The following TRAF2 variants were observed in gnomAD, a reference collection of about 807,000 sequenced individuals.
The protein encoded by TRAF2 is TNF receptor-associated factor 2.
In TRAF2, 6 loss-of-function variants were observed where a neutral mutation model predicts 55.6. That is an observed-to-expected ratio of 0.11 (90% CI 0.06 to 0.21). TRAF2 has a LOEUF of 0.21. TRAF2 is among the 10% of genes least tolerant of loss of function. The probability of loss-of-function intolerance (pLI) is 1.00; values close to 1 mark genes in which losing one functional copy is unlikely to be tolerated. For synonymous variants in TRAF2, 329 were observed against 276.3 expected (o/e 1.19, Z -1.89); for missense variants, 561 against 684.5 (o/e 0.82, Z 2.01).
At chr9:136,920,944 A>G (rs1350348524) in intron 8 of TRAF2, 94 bp from the exon 9 acceptor site, 2 of 1,480,176 alleles carry the variant, frequency 1.4e-6, no homozygotes, top group Admixed American at 3.8e-5. Flanking sequence ...GGTGCCCAAG[A>G]GCACTGTCCT....
upstream of TRAF2, among the ~76,000 whole-genome samples, chr9:136,882,296 C>T (rs917991045): frequency 6.6e-6 from 1 of 152,240 alleles, no homozygotes; most frequent in Non-Finnish European, 1.5e-5. Flanking sequence ...CAGAGCCCTG[C>T]TGGGCACAGG....
At chr9:136,915,742 CTG>C in intron 6 of TRAF2, among the ~76,000 whole-genome samples, 1 of 152,290 alleles carries the variant, frequency 6.6e-6, no homozygotes, top group Non-Finnish European at 1.5e-5. Context: ...CCGAGCCCAT[CTG>C]TGCTTCTCTT....
At chr9:136,886,994 C>T (rs1344662054) in intron 1 of TRAF2, among the ~76,000 whole-genome samples, 1 of 152,160 alleles carries the variant, frequency 6.6e-6, no homozygotes, top group Non-Finnish European at 1.5e-5. Flanking sequence ...TCGGGAGGGT[C>T]AGGGGCGCCT....
chr9:136,904,209 AC>A, intron 4 of TRAF2, among the ~76,000 whole-genome samples: 1 of 150,612 alleles, frequency 6.6e-6, no homozygotes. Context: ...GCATTTTATT[AC>A]TATTATTTTT....
At chr9:136,902,367 T>G (rs900800729) in intron 4 of TRAF2, 2 of 152,320 alleles carry the variant, frequency 1.3e-5, no homozygotes, top group African/African-American at 4.8e-5. Flanking sequence ...TGCCACCCTT[T>G]GAGAGGACTG....
At chr9:136,910,196 C>T (rs1729972906) in intron 6 of TRAF2, 11 of 614,628 alleles carry the variant, frequency 1.8e-5, no homozygotes, top group Admixed American at 8.0e-5. Flanking sequence ...TGGCTGAGTC[C>T]CGAGCCCTCT....
intron 4 of TRAF2, among the ~76,000 whole-genome samples, chr9:136,906,413 A>G (rs1006715911): frequency 2.0e-5 from 3 of 152,336 alleles, no homozygotes; most frequent in Middle Eastern, 6.8e-3. Context: ...CACGTCTCAC[A>G]TGGCAGCAGG....
In TRAF2 at chr9:136,908,053, C is replaced by A; in HGVS notation, c.367-17C>A. 1 of 1,594,092 alleles carries A rather than the reference C, an allele frequency of 6.3e-7. No individual in the cohort carries two copies. Among genetic ancestry groups the A allele is most frequent in the Non-Finnish European group, 8.5e-7 (1 of 1,174,976 alleles). On this transcript the variant is annotated splice_polypyrimidine_tract_variant and intron_variant, in intron 4 of 10. Coordinates refer to ENST00000247668, the MANE Select transcript of TRAF2 (RefSeq NM_021138.4). ...TCCCACGCGAGTTCTACTGACGCTT[C>A]CTCCTTTCGTTGCTAGAGCTGCCAC...
chr9:136,886,440 T>C (rs1466570281), upstream of TRAF2: 3 of 1,003,328 alleles, frequency 3.0e-6, no homozygotes, highest in Non-Finnish European at 3.6e-6. Flanking sequence ...TTGGCTCCCA[T>C]GTCCGTCCGT....
intron 7 of TRAF2, among the ~76,000 whole-genome samples, chr9:136,918,227 TTATATATATA>T (rs764701854): frequency 1.8e-4 from 12 of 68,082 alleles, no homozygotes; most frequent in African/African-American, 4.8e-4. Context: ...AGTGTTTTGT[TTATATATATA>T]TATATATATA....
rs191090194 is a variant in TRAF2 at position 136,924,942 on chromosome 9, T to C, written c.1288-741T>C. 6.6e-5 allele frequency among the ~76,000 whole-genome samples: 10 copies of C among 152,304 alleles called. No individual in the cohort carries two copies. The East Asian group carries it at 1.9e-3, about 30-fold the overall frequency. On this transcript the variant is annotated intron_variant, in intron 10 of 10. Coordinates refer to ENST00000247668, the MANE Select transcript of TRAF2 (RefSeq NM_021138.4). ...TTAGTAGAGATGGGGTTTCTCCATGTTGGCCAGGCTGGTCTTGATCTCCTG... is the reference window on the plus strand; with the variant it reads ...TTAGTAGAGATGGGGTTTCTCCATGCTGGCCAGGCTGGTCTTGATCTCCTG...
At chr9:136,921,376 A>G (rs1457495525) in intron 9 of TRAF2, among the ~76,000 whole-genome samples, 161 bp downstream of exon 9, 1 of 152,088 alleles carries the variant, frequency 6.6e-6, no homozygotes, top group Non-Finnish European at 1.5e-5. Flanking sequence ...CAAGTGGGGT[A>G]GCTGAATATG....
chr9:136,899,028 C>T (rs117022309), intron 2 of TRAF2, 100 bp downstream of exon 2: 20 of 1,169,226 alleles, frequency 1.7e-5, no homozygotes, highest in Middle Eastern at 5.8e-4. Context: ...CCGGGTCCAG[C>T]TTAGATGTGC....
intron 1 of TRAF2, among the ~76,000 whole-genome samples, chr9:136,893,694 T>C (rs1468385876): frequency 6.6e-6 from 1 of 152,172 alleles, no homozygotes; most frequent in Non-Finnish European, 1.5e-5. Context: ...GGCCTAAGTT[T>C]TTCTGACTTA....
At chr9:136,923,156 G>C (rs1027469062) in intron 9 of TRAF2, among the ~76,000 whole-genome samples, 1 of 152,200 alleles carries the variant, frequency 6.6e-6, no homozygotes, top group Non-Finnish European at 1.5e-5. Context: ...ACTCTAGCCA[G>C]TGCCTCTTCT....
chr9:136,925,437 G>C (rs561778484), intron 10 of TRAF2, among the ~76,000 whole-genome samples: 1 of 152,250 alleles, frequency 6.6e-6, no homozygotes, highest in Admixed American at 6.5e-5. Context: ...CAGTGGACAG[G>C]AAAGGCCAGA....
At position 136,900,439 on chromosome 9, in the gene TRAF2, T is replaced by A. The variant is rs1294009896; in HGVS notation, c.285T>A (p.Ala95=). 1.2e-6 allele frequency: 2 copies of A among 1,605,616 alleles called. No homozygotes were observed. Among genetic ancestry groups the A allele is most frequent in the African/African-American group, 1.3e-5 (1 of 74,782 alleles). The change falls in exon 4 of 11, where the codon GCT becomes GCA. Residue 95 remains alanine (A), a synonymous_variant. Transcript: ENST00000247668. ...LESSSAFPDN[A]ARREVESLPA... ...CTCCCCAGGCCTTCCCAGATAATGCTGCCCGCAGGGAGGTGGAGAGCCTGC... is the reference window on the plus strand; with the variant it reads ...CTCCCCAGGCCTTCCCAGATAATGCAGCCCGCAGGGAGGTGGAGAGCCTGC...
chr9:136,898,661 C>T (rs113765332), intron 1 of TRAF2, 52 bp from the exon 2 acceptor site: 19 of 1,597,172 alleles, frequency 1.2e-5, no homozygotes, highest in African/African-American at 1.1e-4. Flanking sequence ...TTGGTTTTGT[C>T]TCGAGGACTG....
upstream of TRAF2, among the ~76,000 whole-genome samples, chr9:136,884,668 T>G (rs2131265107): frequency 6.6e-6 from 1 of 152,348 alleles, no homozygotes; most frequent in South Asian, 2.1e-4. Flanking sequence ...GTCATCTTCC[T>G]GCCTCAGCCT....
Sources: allele counts gnomAD v4.1 joint callset (sites outside exome capture counted in the v4.1 genomes callset), GRCh38; gene constraint gnomAD v4.1.1; transcripts MANE v1.5; gene names NCBI Gene and HGNC (gene_info 2026-07-23, HGNC 2026-07-21).